The following SLC38A9 variants were observed in gnomAD, a reference collection of about 807,000 sequenced individuals.
The protein encoded by SLC38A9 is neutral amino acid transporter 9.
SLC38A9 carries 48 observed loss-of-function variants against 62.3 expected under a neutral mutation model. That is an observed-to-expected ratio of 0.77 (90% CI 0.61 to 0.98). The LOEUF (loss-of-function observed/expected upper bound fraction) is 0.98. SLC38A9 is among the 50% of genes least tolerant of loss of function. SLC38A9 has a pLI of 0.00. For missense variants in SLC38A9, 541 were observed against 679.8 expected, an observed-to-expected ratio of 0.80 and a Z score of 2.27; for synonymous variants, 204 against 227.7, an observed-to-expected ratio of 0.90 and a Z score of 0.94.
chr5:55,659,663 C>T (rs1052125306), intron 8 of SLC38A9, among the ~76,000 whole-genome samples: 1 of 152,130 alleles, frequency 6.6e-6, no homozygotes, highest in African/African-American at 2.4e-5. Context: ...GCTGAGATTA[C>T]AGGCGTGAGC....
chr5:55,666,645 C>A (rs1334685152), intron 7 of SLC38A9, among the ~76,000 whole-genome samples: 1 of 152,196 alleles, frequency 6.6e-6, no homozygotes, highest in East Asian at 1.9e-4. Context: ...GTAATCCCAG[C>A]ACTTCGGGAG....
At chr5:55,627,813 A>AAAC (rs149037235) in intron 15 of SLC38A9, 78 bp downstream of exon 15, 22,103 of 877,866 alleles carry the variant, frequency 0.025, 463 homozygotes, top group African/African-American at 0.087. Context: ...AATTAAATTA[A>AAAC]AACAACAACA....
At position 55,697,707 on chromosome 5, in the gene SLC38A9, T is replaced by A. The variant is rs1756104603; in HGVS notation, c.113+139A>T. 3 of 429,418 alleles carry A rather than the reference T, an allele frequency of 7.0e-6. No individual in the cohort carries two copies. In the Admixed American group the frequency reaches 1.3e-4, roughly 19 times the overall value. 26.6% of individuals were successfully genotyped at this position (429,418 alleles called of 1,614,324 possible). ...CCAGTAAATAGTATTCCTATTTACT[T>A]CTCTCCACATGTATACACACAAATC... On this transcript the variant is annotated intron_variant, in intron 3 of 15. Transcript: ENST00000396865.
chr5:55,703,507 A>T (rs1466950483), intron 2 of SLC38A9, among the ~76,000 whole-genome samples: 3 of 152,240 alleles, frequency 2.0e-5, no homozygotes, highest in Non-Finnish European at 4.4e-5. Context: ...TATAAAGTAC[A>T]TAATTCAGTG....
At chr5:55,709,002 T>A (rs1757658507) in intron 2 of SLC38A9, among the ~76,000 whole-genome samples, 1 of 152,202 alleles carries the variant, frequency 6.6e-6, no homozygotes, top group South Asian at 2.1e-4. Flanking sequence ...GTATATATAT[T>A]TTCTTCTGTA....
chr5:55,697,444 A>T (rs945721695), intron 3 of SLC38A9, among the ~76,000 whole-genome samples: 1 of 152,218 alleles, frequency 6.6e-6, no homozygotes, highest in African/African-American at 2.4e-5. Context: ...AATAAAATTT[A>T]AACTCAAATT....
At chr5:55,660,107 G>A (rs1580217404) in intron 8 of SLC38A9, among the ~76,000 whole-genome samples, 1 of 146,894 alleles carries the variant, frequency 6.8e-6, no homozygotes, top group East Asian at 2.1e-4. Flanking sequence ...AAGTTTGCTA[G>A]ATTAAAGATA....
intron 3 of SLC38A9, chr5:55,693,104 G>A (rs958700990): frequency 1.2e-5 from 7 of 588,560 alleles, no homozygotes; most frequent in African/African-American, 8.1e-5. Context: ...TTGACATTAA[G>A]GAATAGGTAG....
intron 3 of SLC38A9, among the ~76,000 whole-genome samples, chr5:55,686,480 T>G (rs11738639): frequency 0.6 from 91,060 of 151,910 alleles, 27,876 homozygotes; most frequent in South Asian, 0.7. Context: ...TGTTTTTTCC[T>G]GTGAATGTGT....
intron 2 of SLC38A9, among the ~76,000 whole-genome samples, chr5:55,708,864 T>C (rs1251442245): frequency 6.6e-6 from 1 of 152,224 alleles, no homozygotes; most frequent in South Asian, 2.1e-4. Context: ...AATAGAACTT[T>C]ATGAAAAAAA....
At chr5:55,662,930 C>G (rs1333362866) in intron 8 of SLC38A9, among the ~76,000 whole-genome samples, 1 of 147,062 alleles carries the variant, frequency 6.8e-6, no homozygotes, top group African/African-American at 2.5e-5. Flanking sequence ...GAGTCTTGCT[C>G]TGTTGCCCAG....
At chr5:55,699,804 A>G (rs1364335729) in intron 2 of SLC38A9, among the ~76,000 whole-genome samples, 1 of 152,212 alleles carries the variant, frequency 6.6e-6, no homozygotes, top group African/African-American at 2.4e-5. Flanking sequence ...GACATAGAAG[A>G]TAAGTCAGAA....
rs748708081 is a variant in SLC38A9, at chr5:55,656,805, A to G, written c.698-31T>C. ...AATAAAGGAAAAAATATAGTTTAAC[A>G]CTGAATGAAAGACACTAAATCTATT... On this transcript the variant is annotated intron_variant, in intron 8 of 15. Coordinates refer to ENST00000396865, the MANE Select transcript of SLC38A9 (RefSeq NM_173514.4). The G allele has an allele frequency of 5.7e-5, 67 of 1,176,986 alleles. 1 individual carries two copies. Among genetic ancestry groups the G allele is most frequent in the Non-Finnish European group, 8.2e-5 (66 of 805,448 alleles). The allele number at this position is 1,176,986 out of a possible 1,614,324, so 72.9% of individuals were successfully genotyped here.
At chr5:55,654,445 G>T (rs1431883485) in intron 9 of SLC38A9, among the ~76,000 whole-genome samples, 1 of 152,044 alleles carries the variant, frequency 6.6e-6, no homozygotes, top group Non-Finnish European at 1.5e-5. Flanking sequence ...TGGCAACCCT[G>T]TCTCTAAAAG....
intron 8 of SLC38A9, among the ~76,000 whole-genome samples, chr5:55,662,299 A>G (rs960037386): frequency 6.6e-6 from 1 of 152,218 alleles, no homozygotes; most frequent in Admixed American, 6.5e-5. Context: ...ACTAAATACT[A>G]TAAGCAATCA....
At chr5:55,666,044 AT>A (rs1421283799) in intron 7 of SLC38A9, among the ~76,000 whole-genome samples, 1 of 152,222 alleles carries the variant, frequency 6.6e-6, no homozygotes, top group Non-Finnish European at 1.5e-5. Context: ...TAGGGCAATG[AT>A]TATGCAAATA....
At chr5:55,679,254 T>C (rs772719919) in intron 3 of SLC38A9, among the ~76,000 whole-genome samples, 4 of 152,100 alleles carry the variant, frequency 2.6e-5, no homozygotes, top group Non-Finnish European at 5.9e-5. Flanking sequence ...TTTAACTAAG[T>C]GGCATGGTGA....
intron 1 of SLC38A9, 35 bp downstream of exon 1, chr5:55,712,182 G>A (rs1208841087): frequency 1.3e-5 from 2 of 152,448 alleles, no homozygotes; most frequent in Non-Finnish European, 2.9e-5. Context: ...ACCTCCCCGA[G>A]GGGCGAGTTT....
At chr5:55,708,010 G>A (rs1394591698) in intron 2 of SLC38A9, among the ~76,000 whole-genome samples, 3 of 152,116 alleles carry the variant, frequency 2.0e-5, no homozygotes, top group Non-Finnish European at 4.4e-5. Flanking sequence ...CTTGATCTTG[G>A]ACTTCCCAGC....
Sources: allele counts gnomAD v4.1 joint callset (sites outside exome capture counted in the v4.1 genomes callset), GRCh38; gene constraint gnomAD v4.1.1; transcripts MANE v1.5; gene names NCBI Gene and HGNC (gene_info 2026-07-23, HGNC 2026-07-21).